The following GALNT13 variants were observed in gnomAD, a reference collection of about 807,000 sequenced individuals.
GALNT13 encodes UDP-GalNAc:polypeptide N-acetylgalactosaminyltransferase 13.
In GALNT13, 28 loss-of-function variants were observed where a neutral mutation model predicts 64.2. That is an observed-to-expected ratio of 0.44 (90% CI 0.32 to 0.60). GALNT13 has a LOEUF of 0.60. Ranked by LOEUF, GALNT13 falls within the 20% of genes least tolerant of loss-of-function variation. The pLI is 0.05. For missense variants in GALNT13, 577 were observed against 669.8 expected, an observed-to-expected ratio of 0.86 and a Z score of 1.53; for synonymous variants, 214 against 224.6, an observed-to-expected ratio of 0.95 and a Z score of 0.42.
the GALNT13 span, among the ~76,000 whole-genome samples, chr2:153,354,647 C>T: frequency 1.3e-5 from 2 of 152,130 alleles, no homozygotes; most frequent in East Asian, 3.9e-4. Context: ...GTAAGGTTGG[C>T]AGACACAGAG....
chr2:154,269,906 G>GTATATATATATATATATATATA lies in GALNT13; in HGVS notation c.975+10787_975+10788insATATATATATATATATATATAT, dbSNP rs67387315. On this transcript the variant is annotated intron_variant, in intron 8 of 12. Transcript: ENST00000392825. ...GTCATATATATATTTATATATATGT[G>GTATATATATATATATATATATA]TATATATATATATATATATTTCTAA... 3.0e-3 allele frequency among the ~76,000 whole-genome samples: 290 copies of GTATATATATATATATATATATA among 96,802 alleles called. 10 individuals carry two copies. Among genetic ancestry groups the GTATATATATATATATATATATA allele is most frequent in the Middle Eastern group, 5.0e-3 (1 of 200 alleles). 63.5% of individuals were successfully genotyped at this position (96,802 alleles called of 152,430 possible).
At chr2:153,287,586 G>A in the GALNT13 span, among the ~76,000 whole-genome samples, 2 of 152,140 alleles carry the variant, frequency 1.3e-5, no homozygotes, top group African/African-American at 4.8e-5. Flanking sequence ...GGGCCATTCA[G>A]CTGCTGGCGG....
the GALNT13 span, among the ~76,000 whole-genome samples, chr2:153,267,250 G>T: frequency 2.6e-4 from 40 of 152,286 alleles, no homozygotes; most frequent in South Asian, 8.1e-3. Context: ...GGTGTTGACT[G>T]ACTGTGGCTT....
At chr2:154,108,728 GTTTAAATCTTCTATCCATTTTAGGGTA>G (rs1358685955) in intron 3 of GALNT13, among the ~76,000 whole-genome samples, 1 of 151,596 alleles carries the variant, frequency 6.6e-6, no homozygotes, top group African/African-American at 2.4e-5. Flanking sequence ...CTGGTCTTAT[GTTTAAATCTTCTATCCATTTTAGGGTA>G]TGAGTTTTGT....
chr2:154,203,845 C>T (rs1687299390), intron 4 of GALNT13, among the ~76,000 whole-genome samples: 1 of 152,120 alleles, frequency 6.6e-6, no homozygotes, highest in Non-Finnish European at 1.5e-5. Flanking sequence ...CCGTTGTCTA[C>T]CTACAATCCA....
the GALNT13 span, among the ~76,000 whole-genome samples, chr2:153,829,604 T>C: frequency 2.0e-5 from 3 of 152,090 alleles, no homozygotes; most frequent in Non-Finnish European, 2.9e-5. Context: ...AGATGAGATT[T>C]GGGTGGGAAC....
At chr2:154,382,799 T>A (rs66791492) in intron 9 of GALNT13, among the ~76,000 whole-genome samples, 66,560 of 147,256 alleles carry the variant, frequency 0.45, 15,034 homozygotes, top group Admixed American at 0.57. Flanking sequence ...TTTTTTTTTT[T>A]AAATATAAGT....
chr2:153,127,396 T>C, the GALNT13 span, among the ~76,000 whole-genome samples: 1 of 152,136 alleles, frequency 6.6e-6, no homozygotes, highest in Non-Finnish European at 1.5e-5. Context: ...CAAATCCCTA[T>C]ATAAAATGGA....
intron 4 of GALNT13, among the ~76,000 whole-genome samples, chr2:154,176,252 T>TA (rs1685645157): frequency 7.1e-6 from 1 of 141,206 alleles, no homozygotes; most frequent in African/African-American, 2.7e-5. Context: ...TATTTATTTA[T>TA]TTATTTATTT....
chr2:154,033,790 T>G (rs1490889916), intron 3 of GALNT13, among the ~76,000 whole-genome samples: 1 of 151,892 alleles, frequency 6.6e-6, no homozygotes, highest in Non-Finnish European at 1.5e-5. Flanking sequence ...ATACAAAAAA[T>G]TAGCCAGGCA....
the GALNT13 span, among the ~76,000 whole-genome samples, chr2:153,518,223 T>C: frequency 1.3e-5 from 2 of 152,164 alleles, no homozygotes; most frequent in African/African-American, 4.8e-5. Flanking sequence ...AATATGTTCT[T>C]CTATTGTTTT....
At chr2:154,287,826 C>G (rs1396158040) in intron 8 of GALNT13, among the ~76,000 whole-genome samples, 1 of 151,968 alleles carries the variant, frequency 6.6e-6, no homozygotes, top group Non-Finnish European at 1.5e-5. Flanking sequence ...TTTCCTATTT[C>G]TTCATTTTCC....
intron 1 of GALNT13, among the ~76,000 whole-genome samples, chr2:153,879,269 AG>A (rs1239608446): frequency 1.3e-5 from 2 of 152,194 alleles, no homozygotes; most frequent in African/African-American, 4.8e-5. Flanking sequence ...AGTGAGTCAC[AG>A]AAAGGTTAAG....
intron 4 of GALNT13, among the ~76,000 whole-genome samples, chr2:154,150,950 G>A (rs1299150138): frequency 1.3e-5 from 2 of 152,070 alleles, no homozygotes; most frequent in Non-Finnish European, 2.9e-5. Flanking sequence ...TCTGATTTTA[G>A]TTATTACTTG....
At chr2:153,735,469 G>A in the GALNT13 span, among the ~76,000 whole-genome samples, 2 of 152,082 alleles carry the variant, frequency 1.3e-5, no homozygotes, top group Admixed American at 1.3e-4. Context: ...TTTTTAGCAT[G>A]TTATGATGAT....
chr2:154,045,185 A>T (rs770833991), intron 3 of GALNT13, among the ~76,000 whole-genome samples: 2 of 152,246 alleles, frequency 1.3e-5, no homozygotes, highest in African/African-American at 2.4e-5. Flanking sequence ...TAATTGAAGC[A>T]ACTTTTAGAA....
chr2:153,198,031 T>C, the GALNT13 span, among the ~76,000 whole-genome samples: 3 of 152,286 alleles, frequency 2.0e-5, no homozygotes, highest in South Asian at 6.2e-4. Flanking sequence ...GCTGAAGTGT[T>C]GAGGACCATT....
the GALNT13 span, among the ~76,000 whole-genome samples, chr2:153,773,234 T>C: frequency 1.3e-5 from 2 of 152,236 alleles, no homozygotes; most frequent in Admixed American, 1.3e-4. Flanking sequence ...GACCAGTTTC[T>C]ATGCTCAGTA....
upstream of GALNT13, among the ~76,000 whole-genome samples, chr2:153,867,156 T>G (rs1685781411): frequency 6.6e-6 from 1 of 152,218 alleles, no homozygotes; most frequent in East Asian, 1.9e-4. Flanking sequence ...CTTTGTGTTA[T>G]TAGCTGGAGC....
Sources: gnomAD v4.1 joint callset for allele counts (sites outside exome capture counted in the v4.1 genomes callset) on GRCh38, gnomAD v4.1.1 for gene constraint, MANE v1.5 for transcripts, NCBI Gene and HGNC (gene_info 2026-07-23, HGNC 2026-07-21) for gene names.